The following BAZ2B variants were observed in gnomAD, a reference collection of about 807,000 sequenced individuals.
The protein encoded by BAZ2B is bromodomain adjacent to zinc finger domain 2B, also known as bromodomain adjacent to zinc finger domain protein 2B.
In BAZ2B, 91 loss-of-function variants were observed where a neutral mutation model predicts 246.0. That is an observed-to-expected ratio of 0.37 (90% CI 0.31 to 0.44). The LOEUF (loss-of-function observed/expected upper bound fraction) is 0.44. BAZ2B is among the 20% of genes least tolerant of loss of function. The pLI is 1.00. For missense variants in BAZ2B, 2,332 were observed against 2,533.7 expected, an observed-to-expected ratio of 0.92 and a Z score of 1.71; for synonymous variants, 855 against 860.0, an observed-to-expected ratio of 0.99 and a Z score of 0.10.
the BAZ2B span, among the ~76,000 whole-genome samples, chr2:159,640,803 C>A: frequency 6.7e-6 from 1 of 149,254 alleles, no homozygotes; most frequent in Non-Finnish European, 1.5e-5. Context: ...AAAAGCTCAG[C>A]ATCATAAGAC....
chr2:159,698,228 A>ATACTATATATATT, the BAZ2B span, among the ~76,000 whole-genome samples: 2 of 152,094 alleles, frequency 1.3e-5, no homozygotes, highest in African/African-American at 4.8e-5. Context: ...TTAGTATAAA[A>ATACTATATATATT]ATATTTTACT....
chr2:159,324,914 G>C lies in BAZ2B; in HGVS notation c.6250C>G (p.Pro2084Ala). 6.4e-7 allele frequency: 1 copy of C among 1,556,370 alleles called. No individual in the cohort carries two copies. The highest frequency in any genetic ancestry group is 8.6e-7 in the Non-Finnish European group (1 of 1,159,362). ...TEMETHEDAW[P>A]FLLPVNLKLV... ...TTCAAGTTTACAGGAAGTAGAAAAG[G>C]CCATGCATCCTCATGAGTTTCCATT... The change falls in exon 36 of 37, where the codon CCT becomes GCT. Residue 2084 changes from proline (P) to alanine (A), a missense_variant. Transcript: ENST00000392783.
chr2:159,319,851 TA>T lies in BAZ2B; in HGVS notation c.*413del, dbSNP rs2062493197. ...ATCATAAATAATTCATAAAATTAAA[TA>T]CATTCACTAAAAAATAAACTACAAA... On this transcript the variant is annotated 3_prime_UTR_variant, in exon 37 of 37. Coordinates refer to ENST00000392783, the MANE Select transcript of BAZ2B (RefSeq NM_013450.4). This position sits in a 1 kb window ranked among gnomAD's most constrained non-coding sequence, Gnocchi z 4.0. 2 of 152,862 alleles carry T rather than the reference TA, an allele frequency of 1.3e-5. No individual in the cohort carries two copies. Among genetic ancestry groups the T allele is most frequent in the Admixed American group, 6.5e-5 (1 of 15,278 alleles). The allele number at this position is 152,862 out of a possible 1,614,324, so 9.5% of individuals were successfully genotyped here. A position where few individuals can be genotyped will look rare whatever the true frequency, so the allele number is the denominator to read the frequency against.
chr2:159,431,127 C>T lies in BAZ2B; in HGVS notation c.1930G>A (p.Glu644Lys), dbSNP rs543996793. 6.2e-7 allele frequency: 1 copy of T among 1,610,026 alleles called. No homozygotes were observed. Among genetic ancestry groups the T allele is most frequent in the East Asian group, 2.2e-5 (1 of 44,834 alleles). Residue 644 changes from glutamate (E) to lysine (K), a missense_variant, in exon 10 of 37, where the codon GAA becomes AAA. By Grantham distance (56) the Glu-to-Lys change is moderately conservative (BLOSUM62 1). Coordinates refer to ENST00000392783, the MANE Select transcript of BAZ2B (RefSeq NM_013450.4). The stretch of plus-strand genomic sequence containing the variant: ...TCATCATCTTCTTCTTCTGATCCTT[C>T]TGTATCTGATTCTGAATTACTATCT... ...ESDSNSESDT[E>K]GSEEEDDDDK...
chr2:159,446,751 T>G (rs1374485850), intron 6 of BAZ2B, 31 bp downstream of exon 6: 2 of 1,544,964 alleles, frequency 1.3e-6, no homozygotes, highest in African/African-American at 2.7e-5. Context: ...TATAGATCTG[T>G]TATATATTAG....
At chr2:159,372,536 A>T (rs901232442) in intron 27 of BAZ2B, among the ~76,000 whole-genome samples, 3 of 152,240 alleles carry the variant, frequency 2.0e-5, no homozygotes, top group African/African-American at 7.2e-5. Context: ...GAATATCATG[A>T]ATTTGTGGTA....
At chr2:159,339,213 C>T (rs1013402069) in intron 31 of BAZ2B, among the ~76,000 whole-genome samples, 11 of 151,912 alleles carry the variant, frequency 7.2e-5, no homozygotes, top group Non-Finnish European at 1.3e-4. Context: ...ATGCCCTCCC[C>T]GTCCCTGCCG....
intron 27 of BAZ2B, among the ~76,000 whole-genome samples, chr2:159,355,786 A>C (rs1445184779): frequency 2.0e-5 from 3 of 152,100 alleles, no homozygotes; most frequent in Non-Finnish European, 4.4e-5. Flanking sequence ...CAACTGAGGT[A>C]CTTGGCTCAT....
the BAZ2B span, among the ~76,000 whole-genome samples, chr2:159,685,428 TAAAG>T: frequency 6.6e-6 from 1 of 152,238 alleles, no homozygotes; most frequent in Admixed American, 6.5e-5. Flanking sequence ...ATTTTACACT[TAAAG>T]AAAACATGTA....
chr2:159,588,146 T>C (rs569353671), intron 1 of BAZ2B, among the ~76,000 whole-genome samples: 36 of 150,752 alleles, frequency 2.4e-4, no homozygotes, highest in Middle Eastern at 3.4e-3. Context: ...TGAGCTACGA[T>C]TGTACCACTG....
chr2:159,480,949 T>C (rs1045444848), intron 2 of BAZ2B, among the ~76,000 whole-genome samples: 1 of 152,088 alleles, frequency 6.6e-6, no homozygotes, highest in African/African-American at 2.4e-5. Context: ...TTCTTGCATG[T>C]AAAGTACTAA....
At chr2:159,689,371 CCT>C in the BAZ2B span, 2 of 212,180 alleles carry the variant, frequency 9.4e-6, no homozygotes, top group South Asian at 5.3e-5. Context: ...TTTTTACTTT[CCT>C]TTTTTTTTTT....
chr2:159,459,911 T>C (rs940077865), intron 3 of BAZ2B: 1 of 152,146 alleles, frequency 6.6e-6, no homozygotes, highest in Non-Finnish European at 1.5e-5. Context: ...TGATGAATTA[T>C]ACCATAAAAT....
intron 27 of BAZ2B, among the ~76,000 whole-genome samples, chr2:159,366,405 C>T (rs947950950): frequency 1.8e-4 from 27 of 152,340 alleles, no homozygotes; most frequent in African/African-American, 6.3e-4. Context: ...TGCCTCCCAC[C>T]TGTAAATAAC....
intron 3 of BAZ2B, among the ~76,000 whole-genome samples, chr2:159,478,092 C>T (rs992084223): frequency 1.3e-5 from 2 of 152,170 alleles, no homozygotes; most frequent in Non-Finnish European, 2.9e-5. Flanking sequence ...GGTGAGCCAC[C>T]GTGCTCAGCC....
Position 159,569,640 on chromosome 2 carries a change from T to C in BAZ2B, c.-45-13775A>G, listed in dbSNP as rs972996119. On this transcript the variant is annotated intron_variant, in intron 1 of 36. Coordinates refer to ENST00000392783, the MANE Select transcript of BAZ2B (RefSeq NM_013450.4). ...TTCAAAACTCAAAAATGATTTCACT[T>C]TTCTAACATTTTTCTTGTCATAGTG... is the stretch of plus-strand genomic sequence containing the variant. 3.3e-5 allele frequency among the ~76,000 whole-genome samples: 5 copies of C among 152,168 alleles called. 1 individual carries two copies. The highest frequency in any genetic ancestry group is 1.2e-4 in the African/African-American group (5 of 41,446).
At chr2:159,476,247 C>T (rs1577518982) in intron 3 of BAZ2B, among the ~76,000 whole-genome samples, 5 of 151,880 alleles carry the variant, frequency 3.3e-5, no homozygotes, top group Admixed American at 3.3e-4. Flanking sequence ...TGGACTACAA[C>T]ACTGTGAAAG....
rs2062416658 is a variant in BAZ2B, at chr2:159,319,119, G to A, written c.*1146C>T. The A allele has an allele frequency of 6.6e-6, 1 of 152,524 alleles. No homozygotes were observed. Among genetic ancestry groups the A allele is most frequent in the Non-Finnish European group, 1.5e-5 (1 of 68,026 alleles). 9.4% of individuals were successfully genotyped at this position (152,524 alleles called of 1,614,324 possible). A position where few individuals can be genotyped will look rare whatever the true frequency, so the allele number is the denominator to read the frequency against. On this transcript the variant is annotated 3_prime_UTR_variant, in exon 37 of 37. Coordinates refer to ENST00000392783, the MANE Select transcript of BAZ2B (RefSeq NM_013450.4). The surrounding 1 kb of genome is among the most constrained non-coding windows in gnomAD (Gnocchi z 4.0). ...TCTTACGTAGGTACAAAAAAAATCT[G>A]ATCTATTTGCCTCCAACAGGCCACC...
chr2:159,461,558 T>A (rs2076410313), intron 3 of BAZ2B: 1 of 152,512 alleles, frequency 6.6e-6, no homozygotes, highest in African/African-American at 2.4e-5. Flanking sequence ...AATCCTGCCA[T>A]AAAGTATTAA....
Sources: allele counts gnomAD v4.1 joint callset (sites outside exome capture counted in the v4.1 genomes callset), GRCh38; gene constraint gnomAD v4.1.1; non-coding constraint Gnocchi (gnomAD v3.1); transcripts MANE v1.5; gene names NCBI Gene and HGNC (gene_info 2026-07-23, HGNC 2026-07-21).